SIPA1L3: variants seen among roughly 807,000 people sequenced by gnomAD.
The protein encoded by SIPA1L3 is signal induced proliferation associated 1 like 3, also known as signal-induced proliferation-associated 1-like protein 3.
In SIPA1L3, 59 loss-of-function variants were observed where a neutral mutation model predicts 150.1. The observed-to-expected ratio is 0.39, with a 90% confidence interval of 0.32 to 0.49. The LOEUF (loss-of-function observed/expected upper bound fraction) is 0.49. Among genes scored for constraint, SIPA1L3 ranks in the 20% least tolerant of loss-of-function variants. The pLI is 0.86. For missense variants in SIPA1L3, 2,211 were observed against 2,489.5 expected (o/e 0.89, Z 2.38); for synonymous variants, 1,070 against 1,077.6 (o/e 0.99, Z 0.14).
intron 16 of SIPA1L3, among the ~76,000 whole-genome samples, chr19:38,190,914 A>G (rs998825743): frequency 2.6e-5 from 4 of 152,200 alleles, no homozygotes; most frequent in African/African-American, 9.6e-5. Flanking sequence ...GTTTCCTGCC[A>G]TCTCTGATAT....
intron 5 of SIPA1L3, 132 bp downstream of exon 5, chr19:38,100,282 C>A: frequency 1.5e-6 from 1 of 684,570 alleles, no homozygotes; most frequent in Non-Finnish European, 2.3e-6. Flanking sequence ...CTGGTTTCAG[C>A]AAAAGGAGGG....
At chr19:38,141,048 ACT>A (rs1971566556) in intron 10 of SIPA1L3, 134 bp from the exon 11 acceptor site, 2 of 952,146 alleles carry the variant, frequency 2.1e-6, no homozygotes, top group African/African-American at 2.0e-5. Context: ...ACAAAGCAAG[ACT>A]CTGTCTCAAA....
At chr19:38,174,747 G>A (rs959629073) in intron 15 of SIPA1L3, among the ~76,000 whole-genome samples, 1 of 151,952 alleles carries the variant, frequency 6.6e-6, no homozygotes. Context: ...AGACTCGAGA[G>A]GCTGAGGCGA....
chr19:37,974,468 A>G (rs550332565), intron 1 of SIPA1L3, among the ~76,000 whole-genome samples: 119 of 151,528 alleles, frequency 7.9e-4, no homozygotes, highest in Middle Eastern at 3.4e-3. Flanking sequence ...GCAAGTCATG[A>G]TTGTGCCACT....
intron 1 of SIPA1L3, among the ~76,000 whole-genome samples, chr19:37,961,840 G>T (rs958152933): frequency 1.3e-5 from 2 of 151,990 alleles, no homozygotes; most frequent in Non-Finnish European, 2.9e-5. Context: ...ATTCTGTACA[G>T]ATTATATACT....
At chr19:37,930,309 G>C (rs979306441) in intron 1 of SIPA1L3, among the ~76,000 whole-genome samples, 1 of 151,892 alleles carries the variant, frequency 6.6e-6, no homozygotes, top group African/African-American at 2.4e-5. Flanking sequence ...ACCGTGCCCA[G>C]CCCATGCCTG....
intron 2 of SIPA1L3, among the ~76,000 whole-genome samples, chr19:38,060,153 A>C (rs1969416339): frequency 6.6e-6 from 1 of 152,182 alleles, no homozygotes; most frequent in Admixed American, 6.6e-5. Context: ...TGTGTTCCCT[A>C]GATGAGCAAC....
intron 1 of SIPA1L3, among the ~76,000 whole-genome samples, chr19:37,982,058 A>G (rs76984371): frequency 0.01 from 1,532 of 152,324 alleles, 36 homozygotes; most frequent in African/African-American, 0.036. Flanking sequence ...CACCCGTGAT[A>G]TGTGGCAAAA....
Position 38,192,400 on chromosome 19 carries a change from C to A in SIPA1L3, c.4596+90C>A, listed in dbSNP as rs1468849682. On this transcript the variant is annotated intron_variant, in intron 17 of 21. Transcript: ENST00000222345. ...GCAAGGAGAAGGGCTGTGCTCCCCA[C>A]GGTCACGCCAGCTCCTTCCCGTCGT... The A allele has an allele frequency of 8.1e-6, 10 of 1,227,638 alleles. No individual in the cohort carries two copies. The Middle Eastern group carries it at 8.4e-4, about 104-fold the overall frequency. The allele number at this position is 1,227,638 out of a possible 1,614,324, so 76.0% of individuals were successfully genotyped here. A position where few individuals can be genotyped will look rare whatever the true frequency, so the allele number is the denominator to read the frequency against.
chr19:38,206,187 G>A lies in SIPA1L3; in HGVS notation c.5293G>A (p.Glu1765Lys), dbSNP rs780725475. The A allele has an allele frequency of 1.9e-5, 29 of 1,557,358 alleles. No individual in the cohort carries two copies. Among genetic ancestry groups the A allele is most frequent in the Admixed American group, 3.8e-5 (2 of 52,036 alleles). ...GCAGGAGGAGTCGCAGGCCGCCAGCGAGCAGCTGCGCAAGTTTGCGGAGAT... is the reference window on the plus strand; with the variant it reads ...GCAGGAGGAGTCGCAGGCCGCCAGCAAGCAGCTGCGCAAGTTTGCGGAGAT... ...RLQEESQAAS[E>K]QLRKFAEIFC... is the part of the protein sequence containing the mutation. The change falls in exon 22 of 22, where the codon GAG (glutamate) becomes AAG (lysine). Residue 1765 changes from glutamate to lysine, a missense_variant. By Grantham distance (56) the Glu-to-Lys change is moderately conservative. This residue lies in a region of SIPA1L3 where 63 missense variants were observed against 106.1 expected (regional missense o/e 0.59). Coordinates refer to ENST00000222345, the MANE Select transcript of SIPA1L3 (RefSeq NM_015073.3).
chr19:38,029,716 A>G (rs1001535257), intron 2 of SIPA1L3, among the ~76,000 whole-genome samples: 1 of 152,048 alleles, frequency 6.6e-6, no homozygotes, highest in Non-Finnish European at 1.5e-5. Flanking sequence ...CTCCTGCTTC[A>G]GCCTCCGGAG....
rs1223598239 is a variant in SIPA1L3 at position 38,093,634 on chromosome 19, C to T, written c.1665+4783C>T. 2.0e-5 allele frequency among the ~76,000 whole-genome samples: 3 copies of T among 151,366 alleles called. No individual in the cohort carries two copies. The East Asian group carries it at 6.0e-4, about 30-fold the overall frequency. The stretch of plus-strand genomic sequence containing the variant: ...TCTGTCCTTCTCATATCCACACACA[C>T]ACATGCCTTGGGGTCCTGTAAACCA... On this transcript the variant is annotated intron_variant, in intron 4 of 21. Coordinates refer to ENST00000222345, the MANE Select transcript of SIPA1L3 (RefSeq NM_015073.3).
intron 19 of SIPA1L3, 35 bp downstream of exon 19, chr19:38,198,567 A>G: frequency 6.8e-7 from 1 of 1,460,468 alleles, no homozygotes; most frequent in Non-Finnish European, 9.1e-7. Flanking sequence ...CCAGGCCCCC[A>G]CCCCGTCCTC....
At chr19:38,178,272 G>A (rs1044704539) in intron 15 of SIPA1L3, among the ~76,000 whole-genome samples, 2 of 151,874 alleles carry the variant, frequency 1.3e-5, no homozygotes, top group African/African-American at 4.8e-5. Flanking sequence ...GGAGGCTGGG[G>A]TGGGAGGATC....
At chr19:38,056,062 G>A (rs1171007518) in intron 2 of SIPA1L3, among the ~76,000 whole-genome samples, 1 of 152,220 alleles carries the variant, frequency 6.6e-6, no homozygotes, top group Non-Finnish European at 1.5e-5. Flanking sequence ...GGGAGTGATG[G>A]CTGCGGCTCT....
At chr19:38,151,493 T>G (rs1971820921) in intron 12 of SIPA1L3, among the ~76,000 whole-genome samples, 1 of 152,124 alleles carries the variant, frequency 6.6e-6, no homozygotes, top group Non-Finnish European at 1.5e-5. Flanking sequence ...AACTGGAATG[T>G]TTTGTGGGCG....
intron 1 of SIPA1L3, among the ~76,000 whole-genome samples, chr19:37,979,951 C>T (rs980880946): frequency 2.0e-5 from 3 of 152,214 alleles, no homozygotes; most frequent in African/African-American, 7.2e-5. Flanking sequence ...GCCCTGGCTG[C>T]GTGGCAGGCC....
Position 38,082,037 on chromosome 19 carries a change from T to C in SIPA1L3, c.472T>C (p.Ser158Pro). Residue 158 changes from serine to proline, a missense_variant, in exon 3 of 22, where the codon TCC (serine) becomes CCC (proline). Physicochemically the swap from Ser to Pro is moderately conservative, Grantham distance 74. Coordinates refer to ENST00000222345, the MANE Select transcript of SIPA1L3 (RefSeq NM_015073.3). ...GGAGTTCCAGGACGGGTGGCCCCGGTCCCCCGGCAGGGCCTTCCTCCCCCT... is the reference window on the plus strand; with the variant it reads ...GGAGTTCCAGGACGGGTGGCCCCGGCCCCCCGGCAGGGCCTTCCTCCCCCT... ...DVEFQDGWPRSPGRAFLPLRH... is the reference protein window; with the variant it reads ...DVEFQDGWPRPPGRAFLPLRH... 1 of 1,613,904 alleles carries C rather than the reference T, an allele frequency of 6.2e-7. No homozygotes were observed. The highest frequency in any genetic ancestry group is 8.5e-7 in the Non-Finnish European group (1 of 1,179,958).
chr19:38,082,341 G>C lies in SIPA1L3; in HGVS notation c.776G>C (p.Gly259Ala). The part of the protein sequence containing the change: ...HLMGGGGGAK[G>A]DSHNGQPAKD... ...ATGGGGGGCGGCGGCGGAGCCAAGG[G>C]GGACTCCCACAACGGGCAGCCCGCC... Residue 259 changes from glycine (G) to alanine (A), a missense_variant, in exon 3 of 22, where the codon GGG (glycine) becomes GCG (alanine). Around this residue, in one of 5 missense-constraint regions of SIPA1L3, gnomAD observed 587 missense variants for 534.5 expected, o/e 1.10. Coordinates refer to ENST00000222345, the MANE Select transcript of SIPA1L3 (RefSeq NM_015073.3). 6.3e-7 allele frequency: 1 copy of C among 1,598,748 alleles called. No homozygotes were observed. Among genetic ancestry groups the C allele is most frequent in the Non-Finnish European group, 8.5e-7 (1 of 1,178,986 alleles).
Sources: gnomAD v4.1 joint callset for allele counts (sites outside exome capture counted in the v4.1 genomes callset) on GRCh38, gnomAD v4.1.1 for gene constraint, gnomAD v4.1.1 regional missense constraint, MANE v1.5 for transcripts, NCBI Gene and HGNC (gene_info 2026-07-23, HGNC 2026-07-21) for gene names.